The following SPAG16 variants were observed in gnomAD, a reference collection of about 807,000 sequenced individuals.
SPAG16 encodes the protein sperm associated antigen 16.
Under a neutral mutation model 80.4 loss-of-function variants are expected in SPAG16, and 86 were observed. The ratio of observed to expected loss-of-function variants is 1.07; its 90% CI spans 0.90 to 1.28. The LOEUF is 1.28. Ranked by LOEUF, SPAG16 falls within the 50% of genes most tolerant of loss-of-function variation. The pLI is 0.00. For synonymous variants in SPAG16, 294 were observed against 265.9 expected (o/e 1.11, Z -1.03); for missense variants, 870 against 765.3 (o/e 1.14, Z -1.61).
intron 15 of SPAG16, among the ~76,000 whole-genome samples, chr2:214,156,797 AAAAC>A (rs925951510): frequency 6.6e-6 from 1 of 152,156 alleles, no homozygotes; most frequent in Non-Finnish European, 1.5e-5. Flanking sequence ...TTGTCTCTAA[AAAAC>A]AAACAAACAG....
chr2:213,588,074 C>G (rs1398729594), intron 10 of SPAG16, among the ~76,000 whole-genome samples: 2 of 152,070 alleles, frequency 1.3e-5, no homozygotes, highest in African/African-American at 2.4e-5. Context: ...GTTTGTTATT[C>G]AATCACAAAA....
chr2:214,306,912 G>T (rs527821470), intron 15 of SPAG16, among the ~76,000 whole-genome samples: 2 of 152,276 alleles, frequency 1.3e-5, no homozygotes, highest in South Asian at 2.1e-4. Flanking sequence ...AATGAATTAG[G>T]GGGGAGTCCC....
intron 10 of SPAG16, among the ~76,000 whole-genome samples, chr2:213,513,154 C>T (rs1359542344): frequency 6.6e-6 from 1 of 152,118 alleles, no homozygotes; most frequent in Non-Finnish European, 1.5e-5. Flanking sequence ...GTTTTATCAC[C>T]TAATTGCTTG....
intron 13 of SPAG16, among the ~76,000 whole-genome samples, chr2:214,027,081 A>T (rs375281805): frequency 4.6e-5 from 7 of 151,570 alleles, no homozygotes; most frequent in African/African-American, 1.7e-4. Context: ...CACAAGTAAA[A>T]CACTATTCAG....
At chr2:213,879,243 T>C (rs1178122132) in intron 11 of SPAG16, among the ~76,000 whole-genome samples, 1 of 152,192 alleles carries the variant, frequency 6.6e-6, no homozygotes, top group East Asian at 1.9e-4. Flanking sequence ...CTTTGGATAG[T>C]ATAGTCATTG....
intron 10 of SPAG16, among the ~76,000 whole-genome samples, chr2:213,572,235 G>C (rs1347708593): frequency 1.2e-5 from 1 of 85,082 alleles, no homozygotes; most frequent in Non-Finnish European, 2.2e-5. Flanking sequence ...TCTTCTCTCA[G>C]CTCGTCAAAA....
At chr2:214,353,859 T>C (rs1698585386) in intron 15 of SPAG16, among the ~76,000 whole-genome samples, 1 of 152,148 alleles carries the variant, frequency 6.6e-6, no homozygotes, top group Non-Finnish European at 1.5e-5. Context: ...GGTTCAAGTA[T>C]GGTAGCATGT....
chr2:213,344,742 G>C (rs1168386050), intron 6 of SPAG16, among the ~76,000 whole-genome samples: 13 of 150,364 alleles, frequency 8.6e-5, no homozygotes, highest in Non-Finnish European at 1.5e-4. Flanking sequence ...GTATTCCATG[G>C]TGTATATGTG....
intron 14 of SPAG16, among the ~76,000 whole-genome samples, chr2:214,129,177 C>A (rs1231680081): frequency 1.3e-5 from 2 of 152,144 alleles, no homozygotes; most frequent in African/African-American, 4.8e-5. Flanking sequence ...ACTCTCACCT[C>A]ACCTCTTCTG....
At chr2:214,297,823 C>CTTT (rs748471904) in intron 15 of SPAG16, among the ~76,000 whole-genome samples, 1 of 126,008 alleles carries the variant, frequency 7.9e-6, no homozygotes, top group African/African-American at 2.8e-5. Context: ...CTATTTGGCT[C>CTTT]TTTTTTTTTT....
chr2:214,265,365 G>T (rs1253884846), intron 15 of SPAG16, among the ~76,000 whole-genome samples: 1 of 151,966 alleles, frequency 6.6e-6, no homozygotes, highest in Non-Finnish European at 1.5e-5. Flanking sequence ...ATGATGTTGA[G>T]CATCTTTTCA....
intron 15 of SPAG16, among the ~76,000 whole-genome samples, chr2:214,331,923 A>G (rs943275914): frequency 1.3e-5 from 2 of 152,250 alleles, no homozygotes; most frequent in African/African-American, 4.8e-5. Flanking sequence ...AGATAAGAAG[A>G]AAGGCTACTT....
chr2:213,826,665 G>A (rs897965127), intron 10 of SPAG16, among the ~76,000 whole-genome samples: 5 of 151,776 alleles, frequency 3.3e-5, no homozygotes, highest in African/African-American at 9.7e-5. Flanking sequence ...CTAATATATG[G>A]TCTATCCTTG....
At chr2:213,618,250 C>T (rs905734073) in intron 10 of SPAG16, among the ~76,000 whole-genome samples, 10 of 152,100 alleles carry the variant, frequency 6.6e-5, no homozygotes, top group South Asian at 4.2e-4. Context: ...TTTGTATTTC[C>T]GCTCAAATGG....
chr2:213,898,229 G>A (rs918803972), intron 11 of SPAG16, among the ~76,000 whole-genome samples: 2 of 152,102 alleles, frequency 1.3e-5, no homozygotes, highest in African/African-American at 2.4e-5. Flanking sequence ...GAACATGAAC[G>A]TTCTGATTTT....
chr2:213,772,952 G>A (rs2069343283), intron 10 of SPAG16, among the ~76,000 whole-genome samples: 1 of 150,970 alleles, frequency 6.6e-6, no homozygotes, highest in African/African-American at 2.4e-5. Flanking sequence ...AATTTTTTGA[G>A]ATGCTTTTAT....
At chr2:213,563,716 A>G (rs1007769447) in intron 10 of SPAG16, among the ~76,000 whole-genome samples, 5 of 152,186 alleles carry the variant, frequency 3.3e-5, no homozygotes, top group Admixed American at 1.3e-4. Context: ...GAGGAACACA[A>G]TTCAGTCCAT....
intron 15 of SPAG16, among the ~76,000 whole-genome samples, chr2:214,150,910 C>A (rs577351451): frequency 6.6e-6 from 1 of 152,064 alleles, no homozygotes; most frequent in South Asian, 2.1e-4. Context: ...GTACATCAAA[C>A]CTATTTTTTT....
intron 11 of SPAG16, among the ~76,000 whole-genome samples, chr2:213,896,821 T>C (rs1004525457): frequency 2.0e-5 from 3 of 152,044 alleles, no homozygotes; most frequent in Non-Finnish European, 2.9e-5. Context: ...TGTCTTATGT[T>C]AAAGCCAAAC....
Sources: allele counts gnomAD v4.1 joint callset (sites outside exome capture counted in the v4.1 genomes callset), GRCh38; gene constraint gnomAD v4.1.1; transcripts MANE v1.5; gene names NCBI Gene and HGNC (gene_info 2026-07-23, HGNC 2026-07-21).